CEP128: variants seen among roughly 807,000 people sequenced by gnomAD.
CEP128 encodes centrosomal protein 128kDa.
A neutral mutation model predicts 156.7 loss-of-function variants in CEP128; 132 were observed. The ratio of observed to expected loss-of-function variants is 0.84; its 90% CI spans 0.73 to 0.97. CEP128 has a LOEUF of 0.97. CEP128 is among the 50% of genes least tolerant of loss of function. CEP128 has a pLI of 0.00. For missense variants in CEP128, 1,252 were observed against 1,281.9 expected (o/e 0.98, Z 0.36); for synonymous variants, 469 against 448.9 (o/e 1.04, Z -0.57).
At chr14:80,678,869 G>A (rs1004801739) in intron 19 of CEP128, among the ~76,000 whole-genome samples, 1 of 152,200 alleles carries the variant, frequency 6.6e-6, no homozygotes, top group Admixed American at 6.5e-5. Flanking sequence ...CAGAGGGACT[G>A]GCTGGAACCG....
chr14:80,934,816 A>G lies in CEP128; in HGVS notation c.-16+4569T>C, dbSNP rs59148199. ...CATATATAAACCAAGACAAAAAAGA[A>G]TATTTGTTTTAATTTTTTTTCTGTA... On this transcript the variant is annotated intron_variant, in intron 2 of 24. Coordinates refer to ENST00000555265, the MANE Select transcript of CEP128 (RefSeq NM_152446.5). Among the ~76,000 whole-genome samples the G allele has an allele frequency of 5.6e-3, 842 of 149,238 alleles. 8 individuals carry two copies. The highest frequency in any genetic ancestry group is 0.02 in the African/African-American group (813 of 41,388).
At chr14:80,732,786 G>T (rs768130191) in intron 19 of CEP128, among the ~76,000 whole-genome samples, 11 of 152,072 alleles carry the variant, frequency 7.2e-5, no homozygotes, top group Non-Finnish European at 1.5e-4. Flanking sequence ...AATAATCTGT[G>T]TTGGACTTTA....
At chr14:80,510,609 T>C (rs147935963) in intron 23 of CEP128, among the ~76,000 whole-genome samples, 7 of 152,218 alleles carry the variant, frequency 4.6e-5, no homozygotes, top group Non-Finnish European at 1.0e-4. Context: ...CTTCTCTGAT[T>C]GCTCTAACTA....
chr14:80,484,399 C>G (rs1358560875), intron 14 of CEP128, among the ~76,000 whole-genome samples: 1 of 152,210 alleles, frequency 6.6e-6, no homozygotes, highest in Non-Finnish European at 1.5e-5. Flanking sequence ...CCAAGACCTA[C>G]TTGGGTTATC....
intron 18 of CEP128, among the ~76,000 whole-genome samples, chr14:80,752,254 C>G (rs1048278976): frequency 6.6e-6 from 1 of 152,064 alleles, no homozygotes; most frequent in Non-Finnish European, 1.5e-5. Flanking sequence ...GTATAAGAAA[C>G]AGAGATAAAG....
chr14:80,481,640 C>T (rs768773581), intron 14 of CEP128, among the ~76,000 whole-genome samples: 46 of 152,196 alleles, frequency 3.0e-4, no homozygotes, highest in Non-Finnish European at 4.3e-4. Context: ...AGTTATTCAA[C>T]TTCCTCAGTT....
At chr14:80,782,352 T>C (rs1215516660) in intron 15 of CEP128, among the ~76,000 whole-genome samples, 2 of 152,210 alleles carry the variant, frequency 1.3e-5, no homozygotes, top group Non-Finnish European at 2.9e-5. Flanking sequence ...TATATTGCAC[T>C]TCCTGACCAA....
At chr14:80,680,113 T>G (rs1308559524) in intron 19 of CEP128, among the ~76,000 whole-genome samples, 4 of 152,070 alleles carry the variant, frequency 2.6e-5, no homozygotes, top group Non-Finnish European at 4.4e-5. Flanking sequence ...AGAACAGAAG[T>G]GTGGAAAGTG....
At chr14:80,918,845 T>C (rs980036295) in intron 2 of CEP128, among the ~76,000 whole-genome samples, 3 of 152,200 alleles carry the variant, frequency 2.0e-5, no homozygotes, top group Admixed American at 6.5e-5. Flanking sequence ...ATATCTATAC[T>C]AATGCATTTA....
intron 13 of CEP128, among the ~76,000 whole-genome samples, chr14:80,828,507 C>T (rs976584133): frequency 6.6e-6 from 1 of 152,064 alleles, no homozygotes; most frequent in South Asian, 2.1e-4. Context: ...GTGATATGGA[C>T]AAAAGGATTA....
chr14:80,516,268 T>C lies in CEP128; in HGVS notation c.3072+10601A>G, dbSNP rs186083334. ...CCATCTAGAAATGTTATCTGGGAGC[T>C]ATGTCATGGAATGAGGGCTTCAGGA... On this transcript the variant is annotated intron_variant, in intron 23 of 24. Transcript: ENST00000555265. Among the ~76,000 whole-genome samples, 406 of 152,260 alleles carry C rather than the reference T, an allele frequency of 2.7e-3. 3 individuals carry two copies. Among genetic ancestry groups the C allele is most frequent in the African/African-American group, 9.1e-3 (380 of 41,540 alleles).
At chr14:80,788,288 CT>C (rs10628361) in intron 14 of CEP128, among the ~76,000 whole-genome samples, 6 of 97,250 alleles carry the variant, frequency 6.2e-5, no homozygotes, top group African/African-American at 1.6e-4. Context: ...TGGCCAGGAT[CT>C]TTTTTTTTTT....
chr14:80,686,156 C>T (rs1197024531), intron 19 of CEP128, among the ~76,000 whole-genome samples: 1 of 151,972 alleles, frequency 6.6e-6, no homozygotes, highest in East Asian at 1.9e-4. Flanking sequence ...ACAGATTAAA[C>T]AGACAATCTA....
chr14:80,798,466 A>G (rs76813947), intron 13 of CEP128, among the ~76,000 whole-genome samples: 6,946 of 152,286 alleles, frequency 0.046, 187 homozygotes, highest in Middle Eastern at 0.061. Flanking sequence ...ACACATATAA[A>G]GTGTTATCTA....
intron 1 of CEP128, among the ~76,000 whole-genome samples, chr14:80,940,641 T>C (rs375495907): frequency 6.7e-6 from 1 of 150,054 alleles, no homozygotes; most frequent in African/African-American, 2.5e-5. Flanking sequence ...ACCGCGCCAC[T>C]GCAGTCCAGC....
intron 19 of CEP128, among the ~76,000 whole-genome samples, chr14:80,638,712 T>C (rs1448361496): frequency 2.0e-5 from 3 of 152,196 alleles, no homozygotes; most frequent in East Asian, 3.8e-4. Flanking sequence ...ATTCAGTAAA[T>C]GTTTATTGGG....
At chr14:80,821,805 T>C (rs1262923202) in intron 13 of CEP128, among the ~76,000 whole-genome samples, 1 of 151,782 alleles carries the variant, frequency 6.6e-6, no homozygotes, top group Non-Finnish European at 1.5e-5. Context: ...CCCCCTGTAA[T>C]ACTCCATTCT....
intron 13 of CEP128, among the ~76,000 whole-genome samples, chr14:80,804,965 G>A (rs1884089906): frequency 6.6e-6 from 1 of 152,028 alleles, no homozygotes; most frequent in Non-Finnish European, 1.5e-5. Flanking sequence ...AAAATACAAG[G>A]CAAGTTCCTG....
At chr14:80,934,220 G>C (rs73344075) in intron 2 of CEP128, among the ~76,000 whole-genome samples, 1 of 152,180 alleles carries the variant, frequency 6.6e-6, no homozygotes, top group Non-Finnish European at 1.5e-5. Flanking sequence ...CTGCTTTACA[G>C]TACCAGATGG....
Sources: allele counts gnomAD v4.1 joint callset (sites outside exome capture counted in the v4.1 genomes callset), GRCh38; gene constraint gnomAD v4.1.1; transcripts MANE v1.5; gene names NCBI Gene and HGNC (gene_info 2026-07-23, HGNC 2026-07-21).